OCA2: variants seen among roughly 807,000 people sequenced by gnomAD.
OCA2 encodes OCA2 melanosomal transmembrane protein, also known as P protein.
Under a neutral mutation model 100.2 loss-of-function variants are expected in OCA2, and 77 were observed. The observed-to-expected ratio is 0.77, with a 90% confidence interval of 0.64 to 0.93. The LOEUF is 0.93. Ranked by LOEUF, OCA2 falls within the 40% of genes least tolerant of loss-of-function variation. The pLI is 0.00. For synonymous variants in OCA2, 432 were observed against 439.2 expected (o/e 0.98, Z 0.21); for missense variants, 1,062 against 1,089.1 (o/e 0.98, Z 0.35).
At chr15:28,035,147 T>C (rs897114462) in intron 2 of OCA2, among the ~76,000 whole-genome samples, 2 of 152,200 alleles carry the variant, frequency 1.3e-5, no homozygotes, top group African/African-American at 4.8e-5. Flanking sequence ...TTCTCTGTGG[T>C]GGCCACATCT....
chr15:28,018,342 A>G lies in OCA2; in HGVS notation c.807+55T>C, dbSNP rs35541450. ...ATCCATTCAAGAGGAAACACAATTTATTATGAGATGAAATGAGATTTCACA... is the reference window on the plus strand; with the variant it reads ...ATCCATTCAAGAGGAAACACAATTTGTTATGAGATGAAATGAGATTTCACA... On this transcript the variant is annotated intron_variant, in intron 7 of 23. Transcript: ENST00000354638. 602 of 1,567,640 alleles carry G rather than the reference A, an allele frequency of 3.8e-4. 8 individuals carry two copies. In the African/African-American group the frequency reaches 6.8e-3, roughly 18 times the overall value.
At position 27,851,491 on chromosome 15, in the gene OCA2, A is replaced by G. The variant is rs771503626; in HGVS notation, c.2245-16T>C. 16 of 1,604,190 alleles carry G rather than the reference A, an allele frequency of 1.0e-5. No individual in the cohort carries two copies. The South Asian group carries it at 1.8e-4, about 18-fold the overall frequency. ...GCACGGGAATCTGTGGAGGAAGAGG[A>G]CATTGATGCCACGTCCCATGGACGC... On this transcript the variant is annotated splice_polypyrimidine_tract_variant and intron_variant, in intron 21 of 23. Coordinates refer to ENST00000354638, the MANE Select transcript of OCA2 (RefSeq NM_000275.3).
intron 2 of OCA2, among the ~76,000 whole-genome samples, chr15:28,064,518 G>A (rs2043966659): frequency 6.6e-6 from 1 of 152,018 alleles, no homozygotes; most frequent in African/African-American, 2.4e-5. Flanking sequence ...CTTCAAGCCT[G>A]CTGATTCTTT....
intron 23 of OCA2, among the ~76,000 whole-genome samples, chr15:27,833,808 T>C (rs910488549): frequency 6.6e-6 from 1 of 152,144 alleles, no homozygotes; most frequent in African/African-American, 2.4e-5. Flanking sequence ...AGTGAATGGC[T>C]TCTCCGGAGA....
chr15:28,022,569 A>T lies in OCA2; in HGVS notation c.578T>A (p.Leu193Ter), dbSNP rs1244040411. Residue 193 changes from leucine (L) to a stop codon, truncating the protein, a stop_gained, in exon 6 of 24, where the codon TTG (leucine) becomes TAG (stop). Coordinates refer to ENST00000354638, the MANE Select transcript of OCA2 (RefSeq NM_000275.3). LOFTEE classifies it high-confidence loss of function. ...TCCTTGATCCGGATATAGGCTGAAC[A>T]AAATCTGTAACAATCAGAAACGTTG... Reference protein sequence around the residue: ...LFAFVVLCSILFSLYPDQGKL... With the variant: ...LFAFVVLCSI The T allele has an allele frequency of 6.2e-7, 1 of 1,613,060 alleles. No individual in the cohort carries two copies. The highest frequency in any genetic ancestry group is 2.2e-5 in the East Asian group (1 of 44,870).
At position 27,959,292 on chromosome 15, in the gene OCA2, G is replaced by C. The variant is rs564262989; in HGVS notation, c.1637-1557C>G. Among the ~76,000 whole-genome samples the C allele has an allele frequency of 9.8e-5, 15 of 152,286 alleles. No homozygotes were observed. In the South Asian group the frequency reaches 2.9e-3, roughly 29 times the overall value. On this transcript the variant is annotated intron_variant, in intron 15 of 23. Transcript: ENST00000354638. Reference sequence around the variant, plus strand: ...ATTCAAAGGCCTCTTCAGAGAAACAGATCCAAAATTTCCTCTTGAAAAGTC... The same window carrying C: ...ATTCAAAGGCCTCTTCAGAGAAACACATCCAAAATTTCCTCTTGAAAAGTC...
At chr15:27,765,732 C>G (rs1358644874) in intron 23 of OCA2, among the ~76,000 whole-genome samples, 1 of 152,180 alleles carries the variant, frequency 6.6e-6, no homozygotes, top group Non-Finnish European at 1.5e-5. Context: ...CATCTGCATC[C>G]TGTTATTGGG....
intron 2 of OCA2, among the ~76,000 whole-genome samples, chr15:28,063,738 G>A (rs191676851): frequency 2.2e-4 from 34 of 152,158 alleles, no homozygotes; most frequent in South Asian, 1.2e-3. Context: ...TAAAGTACAC[G>A]TTTACACATT....
intron 15 of OCA2, among the ~76,000 whole-genome samples, chr15:27,962,451 T>C (rs2040437670): frequency 6.6e-6 from 1 of 152,186 alleles, no homozygotes; most frequent in Non-Finnish European, 1.5e-5. Context: ...AAGTGCCGTG[T>C]GGGATGTGCT....
At chr15:27,894,165 T>A (rs923455451) in intron 19 of OCA2, among the ~76,000 whole-genome samples, 1 of 152,164 alleles carries the variant, frequency 6.6e-6, no homozygotes, top group Non-Finnish European at 1.5e-5. Flanking sequence ...AGAACCTACG[T>A]TGAAATATTG....
chr15:28,018,415 C>G lies in OCA2; in HGVS notation c.789G>C (p.Arg263Ser). The G allele has an allele frequency of 6.2e-7, 1 of 1,614,148 alleles. No individual in the cohort carries two copies. Among genetic ancestry groups the G allele is most frequent in the South Asian group, 1.1e-5 (1 of 91,082 alleles). ...GCATAACCTGCTGTGGCCGCCGCCACCTGGAGCCCAAAGCGTCAGCCTGGG... is the reference window on the plus strand; with the variant it reads ...GCATAACCTGCTGTGGCCGCCGCCAGCTGGAGCCCAAAGCGTCAGCCTGGG... ...ELTQADALGS[R>S]WRRPQQVTHN... Residue 263 changes from arginine (R) to serine (S), a missense_variant, in exon 7 of 24, where the codon AGG (arginine) becomes AGC (serine). Coordinates refer to ENST00000354638, the MANE Select transcript of OCA2 (RefSeq NM_000275.3).
intron 23 of OCA2, among the ~76,000 whole-genome samples, chr15:27,777,645 A>G (rs1024824152): frequency 1.3e-5 from 2 of 152,200 alleles, no homozygotes; most frequent in Admixed American, 6.5e-5. Context: ...AGAGTACACA[A>G]TATTCTTTAC....
intron 2 of OCA2, among the ~76,000 whole-genome samples, chr15:28,035,311 C>T (rs1025141169): frequency 1.3e-5 from 2 of 152,152 alleles, no homozygotes; most frequent in Admixed American, 1.3e-4. Context: ...TTTCACCAGG[C>T]AATTTCCTAA....
intron 12 of OCA2, among the ~76,000 whole-genome samples, chr15:27,986,270 T>C (rs1231057554): frequency 1.3e-5 from 2 of 152,218 alleles, no homozygotes; most frequent in African/African-American, 4.8e-5. Flanking sequence ...GCTTGAAATA[T>C]TGGGATACTC....
chr15:28,017,525 A>G lies in OCA2; in HGVS notation c.807+872T>C, dbSNP rs17652055. ...GCTGTGCTTTTCACACAGGGAACCA[A>G]GTTGACATCCTAAGACCCTGGCCAG... On this transcript the variant is annotated intron_variant, in intron 7 of 23. Transcript: ENST00000354638. 9.8e-4 allele frequency among the ~76,000 whole-genome samples: 149 copies of G among 152,306 alleles called. 1 individual carries two copies. The highest frequency in any genetic ancestry group is 3.6e-3 in the African/African-American group (148 of 41,564).
intron 11 of OCA2, among the ~76,000 whole-genome samples, chr15:27,988,588 G>A (rs7162812): frequency 0.53 from 81,148 of 151,996 alleles, 26,023 homozygotes; most frequent in Non-Finnish European, 0.73. Flanking sequence ...CCGTGATCTC[G>A]GACTTGCAGC....
chr15:27,952,524 A>G (rs374915535), intron 17 of OCA2, among the ~76,000 whole-genome samples: 26 of 152,318 alleles, frequency 1.7e-4, no homozygotes, highest in African/African-American at 6.3e-4. Context: ...GCGTGGGGCC[A>G]GGGCAGGGAA....
intron 22 of OCA2, among the ~76,000 whole-genome samples, chr15:27,849,027 A>G (rs1399772152): frequency 6.6e-6 from 1 of 151,568 alleles, no homozygotes; most frequent in Non-Finnish European, 1.5e-5. Context: ...GGGTGTGAAC[A>G]CAGCCACGTG....
intron 2 of OCA2, among the ~76,000 whole-genome samples, chr15:28,058,297 C>A (rs1415019781): frequency 6.6e-6 from 1 of 152,246 alleles, no homozygotes; most frequent in Non-Finnish European, 1.5e-5. Flanking sequence ...CTGGGCCTGG[C>A]TGCTGCCACC....
Sources: allele counts gnomAD v4.1 joint callset (sites outside exome capture counted in the v4.1 genomes callset), GRCh38; gene constraint gnomAD v4.1.1; transcripts MANE v1.5; gene names NCBI Gene and HGNC (gene_info 2026-07-23, HGNC 2026-07-21).